Variants in ZNF93 observed in about 807,000 individuals in gnomAD.
The protein encoded by ZNF93 is zinc finger protein 93, also known as zinc finger protein 505.
In ZNF93, 29 loss-of-function variants were observed where a neutral mutation model predicts 45.0. The observed-to-expected ratio is 0.64, with a 90% CI of 0.48 to 0.88. The LOEUF is 0.88. ZNF93 is among the 40% of genes least tolerant of loss of function. The pLI is 0.00. For synonymous variants in ZNF93, 223 were observed against 244.6 expected (o/e 0.91, Z 0.82); for missense variants, 578 against 724.0 (o/e 0.80, Z 2.31).
chr19:19,919,452 A>G (rs2063336109), intron 3 of ZNF93, among the ~76,000 whole-genome samples: 1 of 148,918 alleles, frequency 6.7e-6, no homozygotes, highest in Non-Finnish European at 1.5e-5. Flanking sequence ...TTTTGGTTCC[A>G]TATGAACTTT....
At chr19:19,919,800 T>C (rs1370232479) in intron 3 of ZNF93, among the ~76,000 whole-genome samples, 3 of 152,248 alleles carry the variant, frequency 2.0e-5, no homozygotes, top group African/African-American at 7.2e-5. Context: ...TTCACATTGA[T>C]TTTGTATCCT....
chr19:19,922,007 G>A (rs2063343694), intron 3 of ZNF93, among the ~76,000 whole-genome samples: 1 of 152,142 alleles, frequency 6.6e-6, no homozygotes, highest in African/African-American at 2.4e-5. Flanking sequence ...TAGTTATTTT[G>A]CTCATTCGTT....
Position 19,933,930 on chromosome 19 carries a change from C to G in ZNF93, c.975C>G (p.Ser325=), listed in dbSNP as rs779491023. The G allele has an allele frequency of 1.3e-5, 21 of 1,612,314 alleles. No homozygotes were observed. The African/African-American group carries it at 2.7e-4, about 21-fold the overall frequency. The change falls in exon 4 of 4, where the codon TCC becomes TCG. Residue 325 remains serine (S), a synonymous_variant. Coordinates refer to ENST00000343769, the MANE Select transcript of ZNF93 (RefSeq NM_031218.4). ...AATGTGGCAAAGCCTTTAAGTACTC[C>G]CGTATCCTTACTACACATAAGAGAA... ...CEECGKAFKY[S]RILTTHKRIH...
chr19:19,917,203 T>C (rs1435463735), intron 3 of ZNF93, among the ~76,000 whole-genome samples: 2 of 152,186 alleles, frequency 1.3e-5, no homozygotes, highest in Admixed American at 6.5e-5. Context: ...ATTCACACTT[T>C]TATTGTAGTT....
At position 19,903,252 on chromosome 19, in the gene ZNF93, G is replaced by A. The variant is rs183778316; in HGVS notation, c.3+2161G>A. 2.9e-3 allele frequency among the ~76,000 whole-genome samples: 445 copies of A among 152,252 alleles called. 5 individuals are homozygous for A. Among genetic ancestry groups the A allele is most frequent in the African/African-American group, 0.01 (422 of 41,550 alleles). ...GGGAGGAGCAAACAAGATTAGAAAG[G>A]AGGTGGGAGGGGAATGGCAAATGGA... On this transcript the variant is annotated intron_variant, in intron 1 of 3. Coordinates refer to ENST00000343769, the MANE Select transcript of ZNF93 (RefSeq NM_031218.4).
chr19:19,922,906 GT>G (rs1262175844), intron 3 of ZNF93, among the ~76,000 whole-genome samples: 1 of 152,148 alleles, frequency 6.6e-6, no homozygotes, highest in Admixed American at 6.5e-5. Flanking sequence ...GCTTGGAGAA[GT>G]TTGATCGTCT....
intron 3 of ZNF93, among the ~76,000 whole-genome samples, chr19:19,927,923 T>C (rs2063361098): frequency 6.6e-6 from 1 of 152,180 alleles, no homozygotes; most frequent in African/African-American, 2.4e-5. Flanking sequence ...AATTTTTATA[T>C]TTTTAGTAGA....
intron 1 of ZNF93, among the ~76,000 whole-genome samples, chr19:19,905,721 T>C (rs1442756042): frequency 2.0e-5 from 3 of 152,176 alleles, no homozygotes; most frequent in Non-Finnish European, 2.9e-5. Flanking sequence ...TCCTCCCAAG[T>C]AGCTGAAACT....
chr19:19,917,135 G>A (rs1476491912), intron 3 of ZNF93, among the ~76,000 whole-genome samples: 2 of 151,770 alleles, frequency 1.3e-5, no homozygotes, highest in African/African-American at 4.8e-5. Flanking sequence ...AGTATAGTTT[G>A]CAATTATACA....
chr19:19,915,078 T>TA (rs2063319524), intron 1 of ZNF93, among the ~76,000 whole-genome samples: 2 of 152,232 alleles, frequency 1.3e-5, no homozygotes, highest in African/African-American at 2.4e-5. Context: ...ATATATGAAC[T>TA]GATGTTGTGG....
chr19:19,926,501 C>T (rs76470719), intron 3 of ZNF93, among the ~76,000 whole-genome samples: 98 of 145,828 alleles, frequency 6.7e-4, no homozygotes, highest in African/African-American at 2.1e-3. Flanking sequence ...TTTTTTTTTC[C>T]GAGACAGAGT....
At chr19:19,932,980 T>G (rs914243175) in intron 3 of ZNF93, 1 of 377,956 alleles carries the variant, frequency 2.6e-6, no homozygotes, top group Non-Finnish European at 4.6e-6. Context: ...GAGTTAAATT[T>G]ACCTGCCTTA....
intron 1 of ZNF93, among the ~76,000 whole-genome samples, chr19:19,913,475 C>A (rs542909369): frequency 6.6e-6 from 1 of 152,064 alleles, no homozygotes; most frequent in Non-Finnish European, 1.5e-5. Context: ...CACCTGTGAA[C>A]TAGAGGGTGG....
chr19:19,919,311 T>C (rs920848934), intron 3 of ZNF93, among the ~76,000 whole-genome samples: 7 of 152,200 alleles, frequency 4.6e-5, no homozygotes, highest in African/African-American at 1.4e-4. Flanking sequence ...CATTGGTCTA[T>C]ATCTCTGTTT....
At chr19:19,917,820 A>G (rs1416360549) in intron 3 of ZNF93, among the ~76,000 whole-genome samples, 1 of 152,144 alleles carries the variant, frequency 6.6e-6, no homozygotes, top group Non-Finnish European at 1.5e-5. Context: ...CTAGCTAGAC[A>G]GTTTTTAATA....
At chr19:19,930,545 G>T (rs2063370589) in intron 3 of ZNF93, among the ~76,000 whole-genome samples, 1 of 140,290 alleles carries the variant, frequency 7.1e-6, no homozygotes, top group South Asian at 2.3e-4. Context: ...CTAGACCGCG[G>T]TCTGCTAGGC....
chr19:19,921,313 G>C (rs1205377320), intron 3 of ZNF93, among the ~76,000 whole-genome samples: 8 of 152,316 alleles, frequency 5.3e-5, no homozygotes, highest in Non-Finnish European at 1.0e-4. Flanking sequence ...GAGGCAGTTT[G>C]TTATAATTTC....
rs747284280 is a variant in ZNF93, at chr19:19,916,582, C to A, written c.153C>A (p.Asp51Glu). ...VFLGIVVSKP[D>E]LIAHLEQGKK... ...CAGGTATTGTTGTCTCTAAGCCAGA[C>A]CTGATCGCCCATCTGGAGCAAGGAA... Residue 51 changes from aspartate to glutamate, a missense_variant, in exon 3 of 4, where the codon GAC (aspartate) becomes GAA (glutamate). Transcript: ENST00000343769. 4.3e-6 allele frequency: 7 copies of A among 1,611,970 alleles called. No homozygotes were observed. The East Asian group carries it at 1.6e-4, about 36-fold the overall frequency.
rs1350425906 is a variant in ZNF93 at position 19,916,608 on chromosome 19, A to G, written c.179A>G (p.Lys60Arg). Residue 60 changes from lysine (K) to arginine (R), a missense_variant, in exon 3 of 4, where the codon AAA becomes AGA. Coordinates refer to ENST00000343769, the MANE Select transcript of ZNF93 (RefSeq NM_031218.4). ...CTGATCGCCCATCTGGAGCAAGGAA[A>G]AAAACCTTTGACTATGAAGAGACAT... ...PDLIAHLEQG[K>R]KPLTMKRHEM... 5 of 1,612,226 alleles carry G rather than the reference A, an allele frequency of 3.1e-6. No homozygotes were observed. The highest frequency in any genetic ancestry group is 1.3e-5 in the African/African-American group (1 of 74,782).
Sources: gnomAD v4.1 joint callset for allele counts (sites outside exome capture counted in the v4.1 genomes callset) on GRCh38, gnomAD v4.1.1 for gene constraint, MANE v1.5 for transcripts, NCBI Gene and HGNC (gene_info 2026-07-23, HGNC 2026-07-21) for gene names.